The following PFKP variants were observed in gnomAD, a reference collection of about 807,000 sequenced individuals.
The protein encoded by PFKP is phosphofructokinase, platelet.
In PFKP, 101 loss-of-function variants were observed where a neutral mutation model predicts 94.3. That is an observed-to-expected ratio of 1.07 (90% confidence interval 0.91 to 1.26). PFKP has a LOEUF of 1.26. PFKP is among the 50% of genes most tolerant of loss of function. PFKP has a pLI of 0.00. For synonymous variants in PFKP, 573 were observed against 432.6 expected (o/e 1.32, Z -4.03); for missense variants, 1,145 against 1,103.3 (o/e 1.04, Z -0.53).
intron 17 of PFKP, among the ~76,000 whole-genome samples, chr10:3,131,547 C>T (rs1202410815): frequency 6.6e-6 from 1 of 152,172 alleles, no homozygotes; most frequent in Non-Finnish European, 1.5e-5. Flanking sequence ...ACTTCCGCCT[C>T]CTGGGTTTAA....
intron 9 of PFKP, 142 bp downstream of exon 9, chr10:3,108,935 T>A (rs1835891691): frequency 1.5e-6 from 1 of 671,056 alleles, no homozygotes. Flanking sequence ...TTAACGATCC[T>A]TGAGACCTTT....
rs1237623035 is a variant in PFKP, at chr10:3,115,409, GGT to G, written c.1372-1360_1372-1359del. 1.5e-4 allele frequency among the ~76,000 whole-genome samples: 7 copies of G among 46,632 alleles called. 1 individual carries two copies. Among genetic ancestry groups the G allele is most frequent in the East Asian group, 3.2e-3 (2 of 626 alleles). 30.6% of individuals were successfully genotyped at this position (46,632 alleles called of 152,430 possible). ...ACAGGACTGGGGATGCCGGGGTGAA[GGT>G]GTGTGTCCCGCCATGGAGGACAGGA... is the stretch of plus-strand genomic sequence containing the variant. On this transcript the variant is annotated intron_variant, in intron 13 of 21. Transcript: ENST00000381125.
rs1832009811 is a variant in PFKP, at chr10:3,069,375, C to A, written c.112+1668C>A. 2.5e-6 allele frequency: 4 copies of A among 1,589,610 alleles called. No individual in the cohort carries two copies. In the East Asian group the frequency reaches 9.2e-5, roughly 36 times the overall value. Reference sequence around the variant, plus strand: ...GCCTGGCCCGCGTGACTTAAACCGGCCCGGAGATGTGCGGGTACGAATGGA... The same window carrying A: ...GCCTGGCCCGCGTGACTTAAACCGGACCGGAGATGTGCGGGTACGAATGGA... On this transcript the variant is annotated intron_variant, in intron 1 of 21. Transcript: ENST00000381125.
At chr10:3,124,433 G>T (rs547584588) in intron 16 of PFKP, among the ~76,000 whole-genome samples, 1 of 152,184 alleles carries the variant, frequency 6.6e-6, no homozygotes, top group Non-Finnish European at 1.5e-5. Context: ...TTCTGATACC[G>T]GAGCGCATTT....
At chr10:3,082,009 T>TTTTTTTTTTC (rs1833122168) in intron 1 of PFKP, among the ~76,000 whole-genome samples, 1 of 114,466 alleles carries the variant, frequency 8.7e-6, no homozygotes, top group Admixed American at 9.6e-5. Flanking sequence ...TTTTTTTTTT[T>TTTTTTTTTTC]ACAGTGGTAG....
At chr10:3,093,819 A>G (rs1026620460) in intron 2 of PFKP, among the ~76,000 whole-genome samples, 5 of 151,724 alleles carry the variant, frequency 3.3e-5, no homozygotes, top group Non-Finnish European at 5.9e-5. Flanking sequence ...AATTTTTTGT[A>G]TTTTTAGTAG....
chr10:3,134,637 G>A (rs772206217), intron 20 of PFKP, 55 bp downstream of exon 20: 198 of 1,139,392 alleles, frequency 1.7e-4, no homozygotes, highest in Non-Finnish European at 2.4e-4. Flanking sequence ...GTCCTGCCTT[G>A]GTGAAAATGC....
Position 3,134,572 on chromosome 10 carries a change from C to T in PFKP, c.2112C>T (p.Ala704=), listed in dbSNP as rs1317175207. 6.2e-7 allele frequency: 1 copy of T among 1,611,992 alleles called. No individual in the cohort carries two copies. Among genetic ancestry groups the T allele is most frequent in the Non-Finnish European group, 8.5e-7 (1 of 1,178,194 alleles). The change falls in exon 20 of 22, where the codon GCC becomes GCT. Residue 704 remains alanine (A), a synonymous_variant. Transcript: ENST00000381125. ...MEWITAKLKE[A]RGRGKKFTTD... ...GGATCACTGCAAAACTCAAGGAGGC[C>T]CGGGGCAGAGGTAAGGGGTCTGGGG...
chr10:3,115,150 G>A (rs1836656351), intron 13 of PFKP, among the ~76,000 whole-genome samples: 1 of 152,206 alleles, frequency 6.6e-6, no homozygotes, highest in South Asian at 2.1e-4. Context: ...CAATTTATGA[G>A]GACTAGGAAG....
intron 1 of PFKP, chr10:3,068,679 G>A (rs1317339341): frequency 9.1e-6 from 9 of 985,054 alleles, no homozygotes; most frequent in Admixed American, 6.1e-5. Flanking sequence ...CCCAGGCCCC[G>A]GGTGCACGTG....
At chr10:3,099,998 A>T (rs1170359205) in intron 3 of PFKP, among the ~76,000 whole-genome samples, 1 of 147,606 alleles carries the variant, frequency 6.8e-6, no homozygotes, top group African/African-American at 2.5e-5. Context: ...TGGCTAGCGA[A>T]TGTGTATCTG....
chr10:3,129,992 C>G lies in PFKP; in HGVS notation c.1848+9C>G, dbSNP rs201150937. ...ACATCAGGGATCTGCAGGTATGTGA[C>G]GGGGCTGGCCTCAGGGCCCGTCCCC... On this transcript the variant is annotated intron_variant, in intron 17 of 21. Transcript: ENST00000381125. The G allele has an allele frequency of 1.9e-6, 3 of 1,560,868 alleles. No individual in the cohort carries two copies. The highest frequency in any genetic ancestry group is 2.7e-5 in the African/African-American group (2 of 73,958).
At chr10:3,127,213 G>A (rs1462053905) in intron 16 of PFKP, among the ~76,000 whole-genome samples, 5 of 152,222 alleles carry the variant, frequency 3.3e-5, no homozygotes, top group East Asian at 1.9e-4. Flanking sequence ...CAGCAAAGGC[G>A]GCCTCTTCCG....
intron 21 of PFKP, 123 bp downstream of exon 21, chr10:3,135,961 C>T: frequency 1.5e-6 from 1 of 659,992 alleles, no homozygotes; most frequent in Non-Finnish European, 2.7e-6. Flanking sequence ...TTCTGAAGCT[C>T]AGTTAAAAAA....
At chr10:3,091,340 T>A (rs918853516) in intron 2 of PFKP, among the ~76,000 whole-genome samples, 1 of 152,156 alleles carries the variant, frequency 6.6e-6, no homozygotes, top group Non-Finnish European at 1.5e-5. Context: ...ACCCTGGCTC[T>A]GGTGGGTCCA....
At chr10:3,135,566 C>G (rs917708357) in intron 20 of PFKP, among the ~76,000 whole-genome samples, 170 bp from the exon 21 acceptor site, 1 of 152,248 alleles carries the variant, frequency 6.6e-6, no homozygotes, top group Non-Finnish European at 1.5e-5. Context: ...CAGAGCTGCA[C>G]GAGGCCAGGT....
intron 2 of PFKP, among the ~76,000 whole-genome samples, chr10:3,089,477 T>C (rs1231889983): frequency 6.6e-6 from 1 of 152,104 alleles, no homozygotes; most frequent in East Asian, 1.9e-4. Flanking sequence ...GTGGGGCTGC[T>C]GGCTTGTGGG....
At chr10:3,117,281 G>A (rs1836929432) in intron 14 of PFKP, among the ~76,000 whole-genome samples, 1 of 152,186 alleles carries the variant, frequency 6.6e-6, no homozygotes, top group Non-Finnish European at 1.5e-5. Context: ...CACAGCCGAG[G>A]AAAGGACCCA....
intron 1 of PFKP, among the ~76,000 whole-genome samples, chr10:3,071,369 T>TTTTG (rs150588087): frequency 0.041 from 6,138 of 150,258 alleles, 424 homozygotes; most frequent in African/African-American, 0.14. Flanking sequence ...CTCAGGCTGT[T>TTTTG]TTTGTTTGTT....
Sources: gnomAD v4.1 joint callset for allele counts (sites outside exome capture counted in the v4.1 genomes callset) on GRCh38, gnomAD v4.1.1 for gene constraint, MANE v1.5 for transcripts, NCBI Gene and HGNC (gene_info 2026-07-23, HGNC 2026-07-21) for gene names.